Variants in PTBP2 observed in about 807,000 individuals in gnomAD.
The protein encoded by PTBP2 is polypyrimidine tract binding protein 2.
Under a neutral mutation model 61.4 loss-of-function variants are expected in PTBP2, and 13 were observed. The observed-to-expected ratio is 0.21, with a 90% CI of 0.14 to 0.34. The LOEUF is 0.34. PTBP2 is among the 10% of genes least tolerant of loss of function. PTBP2 has a pLI of 1.00. For synonymous variants in PTBP2, 215 were observed against 218.5 expected (o/e 0.98, Z 0.14); for missense variants, 405 against 642.6 (o/e 0.63, Z 4.00).
At chr1:96,722,097 C>T (rs1649654299) in intron 1 of PTBP2, among the ~76,000 whole-genome samples, 1 of 152,068 alleles carries the variant, frequency 6.6e-6, no homozygotes, top group Non-Finnish European at 1.5e-5. Flanking sequence ...GGCATAGGGG[C>T]GATGGCGGGG....
intron 11 of PTBP2, among the ~76,000 whole-genome samples, chr1:96,809,917 C>G (rs1661885659): frequency 6.6e-6 from 1 of 151,714 alleles, no homozygotes; most frequent in African/African-American, 2.4e-5. Flanking sequence ...GTATAAAAGA[C>G]AGTTGAGAGA....
downstream of PTBP2, chr1:96,816,433 A>G (rs572578086): frequency 1.3e-5 from 2 of 151,402 alleles, no homozygotes. Context: ...AGAGGTCTTA[A>G]CTTGAATATT....
rs1323514704 is a variant in PTBP2, at chr1:96,777,653, A to G, written c.501A>G (p.Thr167=). 1 of 1,613,472 alleles carries G rather than the reference A, an allele frequency of 6.2e-7. No homozygotes were observed. The highest frequency in any genetic ancestry group is 1.7e-4 in the Middle Eastern group (1 of 6,054). ...QTANTPLSGT[T]VSESAVTPAQ... is the part of the protein sequence containing the mutation. ...CAAATACTCCTCTTAGTGGCACCACAGTTAGCGAGAGTGCAGTGACTCCAG... is the reference window on the plus strand; with the variant it reads ...CAAATACTCCTCTTAGTGGCACCACGGTTAGCGAGAGTGCAGTGACTCCAG... Residue 167 remains threonine (T), a synonymous_variant, in exon 6 of 14, where the codon ACA becomes ACG. Coordinates refer to ENST00000674951, the MANE Select transcript of PTBP2 (RefSeq NM_021190.4).
At chr1:96,780,929 T>C (rs1214752334) in intron 7 of PTBP2, among the ~76,000 whole-genome samples, 1 of 152,078 alleles carries the variant, frequency 6.6e-6, no homozygotes, top group Non-Finnish European at 1.5e-5. Flanking sequence ...TTCCAACCTG[T>C]CATCAGATAT....
intron 2 of PTBP2, among the ~76,000 whole-genome samples, chr1:96,730,278 C>T (rs1470525633): frequency 3.3e-5 from 5 of 152,022 alleles, no homozygotes; most frequent in Non-Finnish European, 7.4e-5. Context: ...TCATTTTCTA[C>T]TTAGTTAACA....
At chr1:96,743,915 A>C (rs34534988) in intron 2 of PTBP2, among the ~76,000 whole-genome samples, 51,317 of 151,892 alleles carry the variant, frequency 0.34, 8,898 homozygotes, top group East Asian at 0.46. Context: ...CACGGTGGCT[A>C]AAGCCTGTAA....
At chr1:96,793,000 A>G (rs1458791875) in intron 8 of PTBP2, among the ~76,000 whole-genome samples, 1 of 152,186 alleles carries the variant, frequency 6.6e-6, no homozygotes, top group African/African-American at 2.4e-5. Flanking sequence ...TTTGAAGCAC[A>G]TTGCTGAATG....
intron 2 of PTBP2, among the ~76,000 whole-genome samples, chr1:96,740,015 G>A (rs1652791054): frequency 6.6e-6 from 1 of 152,060 alleles, no homozygotes; most frequent in Non-Finnish European, 1.5e-5. Context: ...GGAATGCTCA[G>A]GTTGTGTTTG....
chr1:96,800,913 G>GAA (rs200870302), intron 8 of PTBP2, among the ~76,000 whole-genome samples: 1 of 147,122 alleles, frequency 6.8e-6, no homozygotes, highest in Admixed American at 6.8e-5. Flanking sequence ...CAGATTTCAA[G>GAA]AAAAAAAAAA....
At chr1:96,816,821 A>G (rs1350106732), downstream of PTBP2, 2 of 152,184 alleles carry the variant, frequency 1.3e-5, no homozygotes, top group African/African-American at 4.8e-5. Flanking sequence ...CAGGATTATT[A>G]CAGAGGCTCA....
chr1:96,745,387 C>T (rs1298998015), intron 2 of PTBP2, among the ~76,000 whole-genome samples: 3 of 152,098 alleles, frequency 2.0e-5, no homozygotes, highest in African/African-American at 4.8e-5. Flanking sequence ...TGGTTTTGAT[C>T]TCATGACCTC....
At chr1:96,820,930 T>C (rs1662665264) in exon 14 of PTBP2, 1 of 152,182 alleles carries the variant, frequency 6.6e-6, no homozygotes, top group South Asian at 2.1e-4. Flanking sequence ...CTTACTACTT[T>C]CAAATAGCTT....
At chr1:96,728,583 G>T (rs1435114945) in intron 2 of PTBP2, among the ~76,000 whole-genome samples, 1 of 152,114 alleles carries the variant, frequency 6.6e-6, no homozygotes, top group Non-Finnish European at 1.5e-5. Context: ...CTTAATCATT[G>T]TAGCTTTATA....
At chr1:96,807,039 C>T (rs1010324125) in intron 11 of PTBP2, 81 bp downstream of exon 11, 2 of 1,044,744 alleles carry the variant, frequency 1.9e-6, no homozygotes, top group African/African-American at 3.3e-5. Context: ...TAAAAATAAA[C>T]TCCTTTACAT....
intron 7 of PTBP2, among the ~76,000 whole-genome samples, chr1:96,780,352 C>A (rs906548017): frequency 6.6e-6 from 1 of 151,846 alleles, no homozygotes; most frequent in Non-Finnish European, 1.5e-5. Flanking sequence ...TTTCTATCAC[C>A]CTGCCTCCCC....
chr1:96,813,518 G>T lies in PTBP2; in HGVS notation c.*113G>T. On this transcript the variant is annotated 3_prime_UTR_variant, in exon 14 of 14. Coordinates refer to ENST00000674951, the MANE Select transcript of PTBP2 (RefSeq NM_021190.4). Reference sequence around the variant, plus strand: ...ATTTTTTTTGTTTTTGTTTTTTTGGGGTTTCTTTTTTTTTTCCATGCTGTT... The same window carrying T: ...ATTTTTTTTGTTTTTGTTTTTTTGGTGTTTCTTTTTTTTTTCCATGCTGTT... The T allele has an allele frequency of 8.8e-7, 1 of 1,130,190 alleles. No homozygotes were observed. Among genetic ancestry groups the T allele is most frequent in the Non-Finnish European group, 1.2e-6 (1 of 841,954 alleles). The allele number at this position is 1,130,190 out of a possible 1,614,324, so 70.0% of individuals were successfully genotyped here.
At chr1:96,787,283 A>C (rs11165721) in intron 8 of PTBP2, among the ~76,000 whole-genome samples, 33,980 of 151,996 alleles carry the variant, frequency 0.22, 4,245 homozygotes, top group African/African-American at 0.34. Context: ...CAGCCTCCCA[A>C]AGTGCTGAGA....
intron 7 of PTBP2, among the ~76,000 whole-genome samples, chr1:96,784,625 TAGC>T (rs1328751709): frequency 8.5e-5 from 13 of 152,150 alleles, no homozygotes; most frequent in African/African-American, 2.7e-4. Context: ...TGGCATCAAA[TAGC>T]AGTTACCTTC....
rs543427091 is a variant in PTBP2, at chr1:96,733,270, C to T, written c.39+9676C>T. Among the ~76,000 whole-genome samples the T allele has an allele frequency of 9.2e-5, 14 of 151,952 alleles. No homozygotes were observed. The South Asian group carries it at 2.3e-3, about 25-fold the overall frequency. On this transcript the variant is annotated intron_variant, in intron 2 of 13. Coordinates refer to ENST00000674951, the MANE Select transcript of PTBP2 (RefSeq NM_021190.4). ...TCACTCCGACACATTCTTGTGCCTCCGTTTCCCACTTACAGGGACCTTGTG... is the reference window on the plus strand; with the variant it reads ...TCACTCCGACACATTCTTGTGCCTCTGTTTCCCACTTACAGGGACCTTGTG...
Sources: allele counts gnomAD v4.1 joint callset (sites outside exome capture counted in the v4.1 genomes callset), GRCh38; gene constraint gnomAD v4.1.1; transcripts MANE v1.5; gene names NCBI Gene and HGNC (gene_info 2026-07-23, HGNC 2026-07-21).